The following UNC5D variants were observed in gnomAD, a reference collection of about 807,000 sequenced individuals.
The protein encoded by UNC5D is netrin receptor UNC5D.
A neutral mutation model predicts 105.4 loss-of-function variants in UNC5D; 39 were observed. The ratio of observed to expected loss-of-function variants is 0.37; its 90% CI spans 0.29 to 0.48. The LOEUF (loss-of-function observed/expected upper bound fraction) is 0.48. Among genes scored for constraint, UNC5D ranks in the 20% least tolerant of loss-of-function variants. UNC5D has a pLI of 0.98. For synonymous variants in UNC5D, 452 were observed against 450.4 expected, an observed-to-expected ratio of 1.00 and a Z score of -0.04; for missense variants, 991 against 1,202.4, an observed-to-expected ratio of 0.82 and a Z score of 2.60.
rs770608585 is a variant in UNC5D, at chr8:35,568,258, T to C, written c.466+17T>C. On this transcript the variant is annotated intron_variant, in intron 3 of 16. Transcript: ENST00000404895. ...GCATAGCCTGTAAGTACATTCTGGG[T>C]GACCTTGTCTTGTAGGACCACAAAT... The C allele has an allele frequency of 1.9e-6, 3 of 1,611,340 alleles. No individual in the cohort carries two copies. The African/African-American group carries it at 4.0e-5, about 22-fold the overall frequency.
intron 1 of UNC5D, among the ~76,000 whole-genome samples, chr8:35,446,907 C>T (rs1711857149): frequency 6.6e-6 from 1 of 152,108 alleles, no homozygotes; most frequent in Non-Finnish European, 1.5e-5. Context: ...TGGTGTTCTA[C>T]AGTTTGTGCT....
At chr8:35,271,602 T>A (rs896040258) in intron 1 of UNC5D, among the ~76,000 whole-genome samples, 2 of 141,252 alleles carry the variant, frequency 1.4e-5, no homozygotes, top group African/African-American at 5.2e-5. Context: ...ATATTATACA[T>A]GTATTATATA....
chr8:35,326,491 A>G (rs957251272), intron 1 of UNC5D, among the ~76,000 whole-genome samples: 1 of 152,238 alleles, frequency 6.6e-6, no homozygotes, highest in Non-Finnish European at 1.5e-5. Context: ...ACAGTGGCTC[A>G]TGCCTGTCAT....
intron 4 of UNC5D, among the ~76,000 whole-genome samples, chr8:35,649,863 G>A (rs906629871): frequency 2.0e-5 from 3 of 152,160 alleles, no homozygotes; most frequent in African/African-American, 7.2e-5. Flanking sequence ...TAAAGCAGAA[G>A]AGCCTGGAGA....
chr8:35,412,976 G>C (rs933017375), intron 1 of UNC5D, among the ~76,000 whole-genome samples: 2 of 152,064 alleles, frequency 1.3e-5, no homozygotes, highest in Non-Finnish European at 1.5e-5. Context: ...GGTCTCACTG[G>C]ATTCTTTTTG....
chr8:35,520,382 T>C (rs189249439), intron 1 of UNC5D, among the ~76,000 whole-genome samples: 21 of 152,124 alleles, frequency 1.4e-4, no homozygotes, highest in East Asian at 1.4e-3. Flanking sequence ...AGAAAATAGA[T>C]TGATGGTTGC....
In UNC5D at chr8:35,726,273, T is replaced by G. The variant is rs1480567777; in HGVS notation, c.1425T>G (p.Phe475Leu). ...AGCTCATGACAGAGTCCTCACTCTTTAACCCTTTGTCGGACATCAAAGTGA... is the reference window on the plus strand; with the variant it reads ...AGCTCATGACAGAGTCCTCACTCTTGAACCCTTTGTCGGACATCAAAGTGA... Reference protein sequence around the residue: ...DKELMTESSLFNPLSDIKVKV... With the variant: ...DKELMTESSLLNPLSDIKVKV... The change falls in exon 10 of 17, where the codon TTT (phenylalanine) becomes TTG (leucine). Residue 475 changes from phenylalanine (F) to leucine (L), a missense_variant. Transcript: ENST00000404895. 1 of 1,614,134 alleles carries G rather than the reference T, an allele frequency of 6.2e-7. No individual in the cohort carries two copies. Among genetic ancestry groups the G allele is most frequent in the Non-Finnish European group, 8.5e-7 (1 of 1,180,002 alleles).
At chr8:35,534,079 C>T (rs1168147592) in intron 1 of UNC5D, among the ~76,000 whole-genome samples, 5 of 152,172 alleles carry the variant, frequency 3.3e-5, no homozygotes, top group Non-Finnish European at 5.9e-5. Flanking sequence ...CCCGCCACAA[C>T]TGGTTGTTTT....
chr8:35,500,376 C>A (rs762003034), intron 1 of UNC5D, among the ~76,000 whole-genome samples: 1 of 152,102 alleles, frequency 6.6e-6, no homozygotes, highest in Non-Finnish European at 1.5e-5. Flanking sequence ...TGACACTAAC[C>A]CATTCATGAG....
chr8:35,525,097 TC>T, intron 1 of UNC5D: 1 of 1,470,190 alleles, frequency 6.8e-7, no homozygotes, highest in Non-Finnish European at 9.4e-7. Flanking sequence ...ATCCCTTCCC[TC>T]CCCCGGCCTG....
At chr8:35,387,965 C>G (rs1188642521) in intron 1 of UNC5D, among the ~76,000 whole-genome samples, 1 of 152,016 alleles carries the variant, frequency 6.6e-6, no homozygotes, top group Non-Finnish European at 1.5e-5. Flanking sequence ...AAAATAATAC[C>G]AGGTTTCCCA....
chr8:35,731,224 G>A (rs1245518891), intron 11 of UNC5D, 128 bp downstream of exon 11: 1 of 786,890 alleles, frequency 1.3e-6, no homozygotes, highest in Non-Finnish European at 2.0e-6. Context: ...CATGGCGAAA[G>A]CCTGTCTCTA....
At chr8:35,697,301 T>C (rs150084181) in intron 7 of UNC5D, among the ~76,000 whole-genome samples, 107 of 151,652 alleles carry the variant, frequency 7.1e-4, no homozygotes, top group Non-Finnish European at 1.2e-3. Flanking sequence ...AATATGAAAA[T>C]AACACCACTG....
chr8:35,775,866 T>A (rs1029089053), intron 16 of UNC5D, among the ~76,000 whole-genome samples: 1 of 152,056 alleles, frequency 6.6e-6, no homozygotes, highest in African/African-American at 2.4e-5. Flanking sequence ...AAGAGAAAAC[T>A]GAATTTACAG....
chr8:35,600,052 G>A (rs1586217643), intron 4 of UNC5D, among the ~76,000 whole-genome samples: 3 of 152,058 alleles, frequency 2.0e-5, no homozygotes, highest in Non-Finnish European at 1.5e-5. Context: ...AACATGAGGT[G>A]TTTGGTTTTT....
intron 4 of UNC5D, among the ~76,000 whole-genome samples, chr8:35,640,196 A>G (rs1183128687): frequency 6.6e-6 from 1 of 151,932 alleles, no homozygotes; most frequent in Non-Finnish European, 1.5e-5. Context: ...TTTAATTCCT[A>G]CTTTGTATGT....
intron 4 of UNC5D, among the ~76,000 whole-genome samples, chr8:35,619,092 G>A (rs774554039): frequency 5.9e-5 from 9 of 152,176 alleles, no homozygotes; most frequent in Non-Finnish European, 1.3e-4. Flanking sequence ...GACATGGTCT[G>A]TTCCTGACAA....
At position 35,790,812 on chromosome 8, in the gene UNC5D, T is replaced by G; in HGVS notation, c.*249T>G. 1 of 535,276 alleles carries G rather than the reference T, an allele frequency of 1.9e-6. No individual in the cohort carries two copies. The highest frequency in any genetic ancestry group is 3.2e-5 in the East Asian group (1 of 31,300). The allele number at this position is 535,276 out of a possible 1,614,324, so 33.2% of individuals were successfully genotyped here. ...TCCACATTTGGGTTAACTCCTCAGA[T>G]TTGGAGTGGCAAGGATAAAAGTGAG... On this transcript the variant is annotated 3_prime_UTR_variant, in exon 17 of 17. Transcript: ENST00000404895.
chr8:35,344,921 G>C (rs1476219995), intron 1 of UNC5D, among the ~76,000 whole-genome samples: 1 of 151,974 alleles, frequency 6.6e-6, no homozygotes, highest in Non-Finnish European at 1.5e-5. Context: ...CCCTAGATAA[G>C]TACTAATACT....
Sources: allele counts gnomAD v4.1 joint callset (sites outside exome capture counted in the v4.1 genomes callset), GRCh38; gene constraint gnomAD v4.1.1; transcripts MANE v1.5; gene names NCBI Gene and HGNC (gene_info 2026-07-23, HGNC 2026-07-21).